Variants in EXD2 observed in about 807,000 individuals in gnomAD.
EXD2 encodes the protein exonuclease 3'-5' domain-containing protein 2.
In EXD2, 40 loss-of-function variants were observed where a neutral mutation model predicts 62.5. That is an observed-to-expected ratio of 0.64 (90% CI 0.50 to 0.83). EXD2 has a LOEUF of 0.83. Among genes scored for constraint, EXD2 ranks in the 40% least tolerant of loss-of-function variants. The probability of loss-of-function intolerance (pLI) is 0.00; values close to 1 mark genes in which losing one functional copy is unlikely to be tolerated. For missense variants in EXD2, 671 were observed against 761.8 expected, an observed-to-expected ratio of 0.88 and a Z score of 1.40; for synonymous variants, 239 against 291.9, an observed-to-expected ratio of 0.82 and a Z score of 1.85.
rs59349955 is a variant in EXD2 at position 69,223,312 on chromosome 14, C to T, written c.334-5504C>T. Among the ~76,000 whole-genome samples the T allele has an allele frequency of 4.7e-3, 710 of 152,326 alleles. 1 individual carries two copies. The highest frequency in any genetic ancestry group is 0.014 in the African/African-American group (584 of 41,560). ...TTGAATGTCTAATAGTCATCTCAAA[C>T]TTAACATGTTCCTAACAGAATTCAT... On this transcript the variant is annotated intron_variant, in intron 3 of 9. Coordinates refer to ENST00000685843, the MANE Select transcript of EXD2 (RefSeq NM_001193360.2).
Position 69,237,571 on chromosome 14 carries a change from C to A in EXD2, c.1293-4C>A. ...GCGCTGCTTTCCGGCTGGGCTTGTT[C>A]CAGGAAGAACGTGATTCCACATGAG... is the stretch of plus-strand genomic sequence containing the variant. On this transcript the variant is annotated splice_region_variant and splice_polypyrimidine_tract_variant and intron_variant, in intron 8 of 9. Transcript: ENST00000685843. The A allele has an allele frequency of 6.2e-7, 1 of 1,613,968 alleles. No individual in the cohort carries two copies. Among genetic ancestry groups the A allele is most frequent in the Non-Finnish European group, 8.5e-7 (1 of 1,179,834 alleles).
chr14:69,213,556 T>C (rs2140249277), intron 3 of EXD2, among the ~76,000 whole-genome samples: 1 of 145,864 alleles, frequency 6.9e-6, no homozygotes, highest in Non-Finnish European at 1.5e-5. Flanking sequence ...TTTTTTTTTT[T>C]TGTAGAAATG....
chr14:69,216,359 T>A (rs76453086), intron 3 of EXD2, among the ~76,000 whole-genome samples: 2,022 of 152,316 alleles, frequency 0.013, 43 homozygotes, highest in African/African-American at 0.047. Context: ...TTAAAATAAC[T>A]CTGGATATCT....
At chr14:69,227,687 T>A (rs1289620964) in intron 3 of EXD2, among the ~76,000 whole-genome samples, 1 of 151,740 alleles carries the variant, frequency 6.6e-6, no homozygotes, top group East Asian at 1.9e-4. Context: ...CTACAAAAAA[T>A]ACAAAAATTA....
intron 9 of EXD2, 97 bp from the exon 10 acceptor site, chr14:69,240,787 C>A: frequency 2.0e-6 from 2 of 1,023,866 alleles, no homozygotes; most frequent in Non-Finnish European, 2.9e-6. Context: ...AGTCCTTCAA[C>A]CTCCCCAGTT....
At position 69,237,836 on chromosome 14, in the gene EXD2, G is replaced by A; in HGVS notation, c.1554G>A (p.Gln518=). 1 of 1,612,830 alleles carries A rather than the reference G, an allele frequency of 6.2e-7. No homozygotes were observed. The highest frequency in any genetic ancestry group is 8.5e-7 in the Non-Finnish European group (1 of 1,179,444). Residue 518 remains glutamine (Q), a synonymous_variant, in exon 9 of 10, where the codon CAG becomes CAA. Transcript: ENST00000685843. ...TCAACGCGGAGAGCCTGCCTACTCA[G>A]CGAAAGGAGGAGCTGCTGCAAGCAC... ...ALLNAESLPT[Q]RKEELLQALR...
chr14:69,224,323 A>G (rs1437380729), intron 3 of EXD2: 1 of 152,326 alleles, frequency 6.6e-6, no homozygotes, highest in East Asian at 1.9e-4. Flanking sequence ...TTAAACAACC[A>G]TATCTTGTGA....
At chr14:69,230,734 C>T (rs941432195) in intron 5 of EXD2, 136 bp downstream of exon 5, 2 of 974,602 alleles carry the variant, frequency 2.1e-6, no homozygotes, top group Non-Finnish European at 2.9e-6. Flanking sequence ...TCTGGTGATA[C>T]TCCAGCTAAC....
rs370877264 is a variant in EXD2 at position 69,205,358 on chromosome 14, G to A, written c.-48+1358G>A. Among the ~76,000 whole-genome samples, 15 of 152,090 alleles carry A rather than the reference G, an allele frequency of 9.9e-5. No individual in the cohort carries two copies. In the East Asian group the frequency reaches 1.2e-3, roughly 12 times the overall value. On this transcript the variant is annotated intron_variant, in intron 2 of 9. Coordinates refer to ENST00000685843, the MANE Select transcript of EXD2 (RefSeq NM_001193360.2). The stretch of plus-strand genomic sequence containing the variant: ...GAGACACCATGCTTCGCCTCAGTAT[G>A]TTTTCTCCCTCTTTATCTGTCTACT...
intron 3 of EXD2, among the ~76,000 whole-genome samples, chr14:69,212,699 ATTTTTTTTT>A (rs71102635): frequency 3.0e-4 from 17 of 57,322 alleles, no homozygotes; most frequent in East Asian, 6.4e-4. Flanking sequence ...ATGGTTCTTG[ATTTTTTTTT>A]TTTTTTTTTT....
intron 5 of EXD2, among the ~76,000 whole-genome samples, chr14:69,230,898 T>A (rs1347016097): frequency 6.6e-6 from 1 of 152,214 alleles, no homozygotes; most frequent in Non-Finnish European, 1.5e-5. Flanking sequence ...TTCTCCTGCC[T>A]CAGCCTCCTG....
chr14:69,214,397 C>T (rs925975027), intron 3 of EXD2, among the ~76,000 whole-genome samples: 2 of 152,180 alleles, frequency 1.3e-5, no homozygotes, highest in Non-Finnish European at 2.9e-5. Context: ...ATATCTTAGT[C>T]TCTCTAGATT....
chr14:69,202,587 T>C (rs921928050), intron 1 of EXD2, among the ~76,000 whole-genome samples: 1 of 152,154 alleles, frequency 6.6e-6, no homozygotes, highest in African/African-American at 2.4e-5. Context: ...GTCTGACTTA[T>C]ATAATGTGTT....
At chr14:69,223,237 A>G (rs1208948966) in intron 3 of EXD2, among the ~76,000 whole-genome samples, 2 of 152,156 alleles carry the variant, frequency 1.3e-5, no homozygotes, top group Non-Finnish European at 2.9e-5. Flanking sequence ...ATTACTCTCA[A>G]ATTCAGAATG....
chr14:69,233,166 A>C (rs2043645098), intron 5 of EXD2, among the ~76,000 whole-genome samples: 1 of 152,178 alleles, frequency 6.6e-6, no homozygotes, highest in Non-Finnish European at 1.5e-5. Context: ...GGAACTCTAA[A>C]GTCTTCTCAT....
At chr14:69,233,763 ACTT>A (rs2043673194) in intron 5 of EXD2, among the ~76,000 whole-genome samples, 1 of 140,340 alleles carries the variant, frequency 7.1e-6, no homozygotes, top group Non-Finnish European at 1.5e-5. Context: ...TGACCACGCT[ACTT>A]TTTTTTTTTT....
At chr14:69,215,788 C>G (rs2042969751) in intron 3 of EXD2, among the ~76,000 whole-genome samples, 1 of 150,410 alleles carries the variant, frequency 6.6e-6, no homozygotes, top group African/African-American at 2.4e-5. Flanking sequence ...CTCTTTTATG[C>G]AGTGTCCATT....
At chr14:69,238,099 A>G (rs1285214326) in intron 9 of EXD2, among the ~76,000 whole-genome samples, 168 bp downstream of exon 9, 3 of 152,240 alleles carry the variant, frequency 2.0e-5, no homozygotes, top group African/African-American at 7.2e-5. Context: ...GAATAGAACA[A>G]TCTACTTGAG....
intron 5 of EXD2, among the ~76,000 whole-genome samples, chr14:69,233,469 C>T (rs2043658358): frequency 6.6e-6 from 1 of 151,884 alleles, no homozygotes; most frequent in South Asian, 2.1e-4. Flanking sequence ...CTCTGTCGCT[C>T]AGGCTGGAGT....
Sources: allele counts gnomAD v4.1 joint callset (sites outside exome capture counted in the v4.1 genomes callset), GRCh38; gene constraint gnomAD v4.1.1; transcripts MANE v1.5; gene names NCBI Gene and HGNC (gene_info 2026-07-23, HGNC 2026-07-21).